SPANXN1: variants seen among roughly 807,000 people sequenced by gnomAD.
SPANXN1 encodes sperm protein associated with the nucleus on the X chromosome N1.
Under a neutral mutation model 2.0 loss-of-function variants are expected in SPANXN1, and 1 was observed. The observed-to-expected ratio is 0.50, with a 90% confidence interval of 0.18 to 2.36. The LOEUF (loss-of-function observed/expected upper bound fraction) is 2.36, where lower values mean the gene tolerates loss of function less well. Among genes scored for constraint, SPANXN1 ranks in the 30% most tolerant of loss-of-function variants. SPANXN1 has a pLI of 0.26. For synonymous variants in SPANXN1, 27 were observed against 21.3 expected (o/e 1.27, Z -0.74); for missense variants, 55 against 51.8 (o/e 1.06, Z -0.19).
chrX:145,249,867 G>C (rs1363743625), intron 1 of SPANXN1, among the ~76,000 whole-genome samples: 4 of 110,952 alleles, frequency 3.6e-5, no homozygotes, highest in African/African-American at 1.3e-4. Context: ...TTAGATGTTG[G>C]GTGAGGTGTA....
intron 1 of SPANXN1, among the ~76,000 whole-genome samples, chrX:145,252,782 C>T (rs1556882630): frequency 1.8e-5 from 2 of 110,147 alleles, no homozygotes; most frequent in Non-Finnish European, 3.8e-5. Flanking sequence ...TAATATGTCC[C>T]ACCCCAAGAT....
chrX:145,254,219 G>A (rs1459947268), intron 1 of SPANXN1, among the ~76,000 whole-genome samples: 2 of 111,274 alleles, frequency 1.8e-5, no homozygotes, highest in Non-Finnish European at 3.8e-5. Flanking sequence ...GTTTCTCCTT[G>A]AGGAGGAAGA....
rs139376577 is a variant in SPANXN1, at chrX:145,255,366, T to C, written c.76-305T>C. On this transcript the variant is annotated intron_variant, in intron 1 of 1. Transcript: ENST00000370493. ...TTTAGTTGGGCCTTTGTCCGCCTTG[T>C]GGACAGGTGGTTAGGCAGGATGTTT... Among the ~76,000 whole-genome samples, 845 of 111,740 alleles carry C rather than the reference T, an allele frequency of 7.6e-3. 9 individuals are homozygous for C. The highest frequency in any genetic ancestry group is 0.046 in the East Asian group (163 of 3,519).
At chrX:145,248,541 C>A (rs11094465) in intron 1 of SPANXN1, among the ~76,000 whole-genome samples, 1 of 111,538 alleles carries the variant, frequency 9.0e-6, no homozygotes, top group African/African-American at 3.3e-5. Context: ...CTAAAGGAAC[C>A]TGGATGGTCT....
chrX:145,253,533 T>G (rs782519725), intron 1 of SPANXN1, among the ~76,000 whole-genome samples: 38 of 111,134 alleles, frequency 3.4e-4, no homozygotes, highest in Admixed American at 1.3e-3. Flanking sequence ...GTGGCATATT[T>G]AGTTGTGACC....
intron 1 of SPANXN1, among the ~76,000 whole-genome samples, chrX:145,253,658 T>C (rs782128101): frequency 1.8e-5 from 2 of 110,929 alleles, no homozygotes; most frequent in African/African-American, 3.3e-5. Flanking sequence ...ACAATTCCAA[T>C]TGGGGTCAGT....
At chrX:145,249,026 C>G (rs782785468) in intron 1 of SPANXN1, among the ~76,000 whole-genome samples, 18 of 110,901 alleles carry the variant, frequency 1.6e-4, no homozygotes, top group African/African-American at 5.9e-4. Flanking sequence ...GGTGACAGCC[C>G]TGTGTGTGAT....
At chrX:145,254,683 A>G (rs2070800966) in intron 1 of SPANXN1, among the ~76,000 whole-genome samples, 2 of 111,834 alleles carry the variant, frequency 1.8e-5, no homozygotes, top group African/African-American at 3.3e-5. Flanking sequence ...TTTTTTGGAG[A>G]ACAGGCAGAA....
At position 145,255,623 on chromosome X, in the gene SPANXN1, A is replaced by G. The variant is rs149427002; in HGVS notation, c.76-48A>G. On this transcript the variant is annotated intron_variant, in intron 1 of 1. Coordinates refer to ENST00000370493, the MANE Select transcript of SPANXN1 (RefSeq NM_001009614.3). ...CCCCTTGCTATCCAGTCTCTATCCT[A>G]TTCACCCAAAATAATGTCTTTCTGG... The G allele has an allele frequency of 3.4e-3, 4,144 of 1,205,490 alleles. 133 individuals are homozygous for G. In the African/African-American group the frequency reaches 0.063, roughly 18 times the overall value.
chrX:145,249,030 G>A lies in SPANXN1; in HGVS notation c.75+1369G>A, dbSNP rs147803122. Among the ~76,000 whole-genome samples, 502 of 111,246 alleles carry A rather than the reference G, an allele frequency of 4.5e-3. 3 individuals carry two copies. The highest frequency in any genetic ancestry group is 0.016 in the African/African-American group (471 of 30,382). ...AGGTGAAGGAGGGTGACAGCCCTGT[G>A]TGTGATGGTGTGGGTGGATTTAATG... On this transcript the variant is annotated intron_variant, in intron 1 of 1. Transcript: ENST00000370493.
In SPANXN1 at chrX:145,255,831, C is replaced by T. The variant is rs782028829; in HGVS notation, c.*17C>T. 1 of 1,212,072 alleles carries T rather than the reference C, an allele frequency of 8.3e-7. No homozygotes were observed. On this transcript the variant is annotated 3_prime_UTR_variant, in exon 2 of 2. Coordinates refer to ENST00000370493, the MANE Select transcript of SPANXN1 (RefSeq NM_001009614.3). ...CAGTCCTGAGAGAACTCCATCAATC[C>T]AGTCCAAGAGGAGGAGGACGAAGGC...
intron 1 of SPANXN1, among the ~76,000 whole-genome samples, chrX:145,254,788 T>C (rs1292744434): frequency 9.0e-6 from 1 of 111,616 alleles, no homozygotes; most frequent in African/African-American, 3.3e-5. Context: ...GTGATCCTTG[T>C]TGCAGCAGCG....
chrX:145,253,495 T>C, intron 1 of SPANXN1, among the ~76,000 whole-genome samples: 1 of 111,208 alleles, frequency 9.0e-6, no homozygotes, highest in African/African-American at 3.3e-5. Context: ...GGAGGTCGAT[T>C]TTGCCCTTAT....
Position 145,247,528 on chromosome X carries a change from C to T in SPANXN1, c.-59C>T. The T allele has an allele frequency of 1.8e-6, 2 of 1,108,755 alleles. No individual in the cohort carries two copies. Among genetic ancestry groups the T allele is most frequent in the Non-Finnish European group, 1.2e-6 (1 of 803,185 alleles). The allele number at this position is 1,108,755 out of a possible 1,213,427, so 91.4% of individuals were successfully genotyped here. ...ATCCTCCTGGGAAGCTTCAATACAGCTGTGCAAGTCTGGAGTCTACAAGAG... is the reference window on the plus strand; with the variant it reads ...ATCCTCCTGGGAAGCTTCAATACAGTTGTGCAAGTCTGGAGTCTACAAGAG... On this transcript the variant is annotated 5_prime_UTR_variant, in exon 1 of 2. Coordinates refer to ENST00000370493, the MANE Select transcript of SPANXN1 (RefSeq NM_001009614.3).
intron 1 of SPANXN1, among the ~76,000 whole-genome samples, chrX:145,255,397 G>A (rs374451175): frequency 4.5e-5 from 5 of 111,282 alleles, no homozygotes; most frequent in African/African-American, 1.6e-4. Flanking sequence ...TGTTTCTCAC[G>A]GCCTGAACCC....
In SPANXN1 at chrX:145,255,868, T is replaced by A; in HGVS notation, c.*54T>A. On this transcript the variant is annotated 3_prime_UTR_variant, in exon 2 of 2. Transcript: ENST00000370493. Reference sequence around the variant, plus strand: ...AGGAGGACGAAGGCCTAGACTCAGCTGAAGGATCTTCAAAGCAGGATGAAG... The same window carrying A: ...AGGAGGACGAAGGCCTAGACTCAGCAGAAGGATCTTCAAAGCAGGATGAAG... 8.3e-7 allele frequency: 1 copy of A among 1,211,252 alleles called. No individual in the cohort carries two copies. The highest frequency in any genetic ancestry group is 2.2e-5 in the Admixed American group (1 of 46,078).
rs369753948 is a variant in SPANXN1 at position 145,247,561 on chromosome X, T to C, written c.-26T>C. 1.1e-4 allele frequency: 133 copies of C among 1,192,584 alleles called. No homozygotes were observed. The highest frequency in any genetic ancestry group is 7.5e-4 in the Admixed American group (34 of 45,610). On this transcript the variant is annotated 5_prime_UTR_variant, in exon 1 of 2. Transcript: ENST00000370493. ...GTCTGGAGTCTACAAGAGCCTACTA[T>C]AGACATTCTACAACCAACCAGAATC...
In SPANXN1 at chrX:145,247,508, C is replaced by G. The variant is rs1189009485; in HGVS notation, c.-79C>G. 1 of 1,042,747 alleles carries G rather than the reference C, an allele frequency of 9.6e-7. No individual in the cohort carries two copies. Among genetic ancestry groups the G allele is most frequent in the African/African-American group, 1.9e-5 (1 of 52,355 alleles). The allele number at this position is 1,042,747 out of a possible 1,213,427, so 85.9% of individuals were successfully genotyped here. A position where few individuals can be genotyped will look rare whatever the true frequency, so the allele number is the denominator to read the frequency against. On this transcript the variant is annotated 5_prime_UTR_variant, in exon 1 of 2. Transcript: ENST00000370493. ...GAGGGCAAGAGCTCTGGGACATCCTCCTGGGAAGCTTCAATACAGCTGTGC... is the reference window on the plus strand; with the variant it reads ...GAGGGCAAGAGCTCTGGGACATCCTGCTGGGAAGCTTCAATACAGCTGTGC...
chrX:145,252,965 G>A (rs1204037301), intron 1 of SPANXN1, among the ~76,000 whole-genome samples: 4 of 111,280 alleles, frequency 3.6e-5, no homozygotes, highest in African/African-American at 1.3e-4. Flanking sequence ...GTAACTAGTT[G>A]TCCTATTGAG....
Sources: gnomAD v4.1 joint callset for allele counts (sites outside exome capture counted in the v4.1 genomes callset) on GRCh38, gnomAD v4.1.1 for gene constraint, MANE v1.5 for transcripts, NCBI Gene and HGNC (gene_info 2026-07-23, HGNC 2026-07-21) for gene names.